DGKB: variants seen among roughly 807,000 people sequenced by gnomAD.
DGKB encodes diacylglycerol kinase beta.
DGKB carries 67 observed loss-of-function variants against 114.3 expected under a neutral mutation model. The observed-to-expected ratio is 0.59, with a 90% confidence interval of 0.48 to 0.72. The LOEUF is 0.72. Among genes scored for constraint, DGKB ranks in the 30% least tolerant of loss-of-function variants. The pLI is 0.00. For missense variants in DGKB, 907 were observed against 975.2 expected (o/e 0.93, Z 0.93); for synonymous variants, 398 against 323.1 (o/e 1.23, Z -2.49).
chr7:14,847,061 C>T (rs888490329), intron 1 of DGKB, among the ~76,000 whole-genome samples: 11 of 152,030 alleles, frequency 7.2e-5, no homozygotes, highest in African/African-American at 1.4e-4. Context: ...GAGGCCGAGG[C>T]GGGCGGATCA....
rs925182312 is a variant in DGKB, at chr7:14,343,440, T to G, written c.1926+1861A>C. Among the ~76,000 whole-genome samples the G allele has an allele frequency of 4.0e-5, 6 of 151,828 alleles. No individual in the cohort carries two copies. The South Asian group carries it at 1.0e-3, about 26-fold the overall frequency. On this transcript the variant is annotated intron_variant, in intron 22 of 25. Transcript: ENST00000402815. Reference sequence around the variant, plus strand: ...TCTGTGGATCAAAACCACTTAATTTTATCATTATTTAGCATATTACAAATC... The same window carrying G: ...TCTGTGGATCAAAACCACTTAATTTGATCATTATTTAGCATATTACAAATC...
chr7:14,772,187 A>C (rs528337555), intron 2 of DGKB, among the ~76,000 whole-genome samples: 27 of 152,270 alleles, frequency 1.8e-4, no homozygotes, highest in Admixed American at 4.6e-4. Flanking sequence ...ATGTTCTCAG[A>C]ACCTCCTGAG....
chr7:14,249,512 C>T (rs79647577), intron 23 of DGKB, among the ~76,000 whole-genome samples: 6,464 of 152,164 alleles, frequency 0.042, 421 homozygotes, highest in African/African-American at 0.15. Context: ...GATTCAATCT[C>T]CTTACTCATT....
chr7:14,645,344 G>A (rs1270039584), intron 13 of DGKB, among the ~76,000 whole-genome samples: 1 of 152,122 alleles, frequency 6.6e-6, no homozygotes, highest in East Asian at 1.9e-4. Context: ...GAGCAAAAGA[G>A]CTGTAATGTT....
In DGKB at chr7:14,327,219, T is replaced by C. The variant is rs375022799; in HGVS notation, c.2122+11296A>G. Reference sequence around the variant, plus strand: ...CCTGTTATAGTTCCTTTTTGATTGCTGACTTTTAAATGAACATTTGGATGA... The same window carrying C: ...CCTGTTATAGTTCCTTTTTGATTGCCGACTTTTAAATGAACATTTGGATGA... On this transcript the variant is annotated intron_variant, in intron 23 of 25. Coordinates refer to ENST00000402815, the MANE Select transcript of DGKB (RefSeq NM_001350709.2). Among the ~76,000 whole-genome samples the C allele has an allele frequency of 3.3e-5, 5 of 152,274 alleles. No homozygotes were observed. The East Asian group carries it at 7.7e-4, about 24-fold the overall frequency.
At chr7:14,868,218 C>A (rs1851955249) in intron 1 of DGKB, among the ~76,000 whole-genome samples, 1 of 152,104 alleles carries the variant, frequency 6.6e-6, no homozygotes. Flanking sequence ...AATACAGAGG[C>A]AGCAGCTATG....
chr7:14,547,196 A>G (rs1649639012), intron 20 of DGKB, among the ~76,000 whole-genome samples: 1 of 152,132 alleles, frequency 6.6e-6, no homozygotes, highest in Admixed American at 6.6e-5. Context: ...TTGGCTCAAT[A>G]TTGATTACGT....
chr7:14,578,447 C>T (rs1799478513), intron 19 of DGKB, among the ~76,000 whole-genome samples: 1 of 152,142 alleles, frequency 6.6e-6, no homozygotes, highest in Admixed American at 6.5e-5. Flanking sequence ...AGTTACACAC[C>T]TGTCAAGAAA....
At chr7:14,857,243 C>T (rs79937884) in intron 1 of DGKB, among the ~76,000 whole-genome samples, 947 of 45,140 alleles carry the variant, frequency 0.021, 5 homozygotes, top group South Asian at 0.037. Context: ...CCACCCAACC[C>T]CCTGCTGTGT....
At chr7:14,491,383 G>C (rs2128933238) in intron 20 of DGKB, among the ~76,000 whole-genome samples, 1 of 152,070 alleles carries the variant, frequency 6.6e-6, no homozygotes, top group South Asian at 2.1e-4. Context: ...GATCTTCCCA[G>C]GCACGTGGAA....
intron 13 of DGKB, among the ~76,000 whole-genome samples, chr7:14,660,677 T>C (rs1471130882): frequency 2.0e-5 from 3 of 151,956 alleles, no homozygotes; most frequent in African/African-American, 4.8e-5. Context: ...TACCAACGAC[T>C]TTCTTCACAG....
chr7:14,612,154 C>CTTTTTATTTTATTTTATTTTATTTT (rs1554545340), intron 16 of DGKB, among the ~76,000 whole-genome samples: 1 of 145,798 alleles, frequency 6.9e-6, no homozygotes, highest in Non-Finnish European at 1.5e-5. Context: ...ATCTTATACT[C>CTTTTTATTTTATTTTATTTTATTTT]ATTTTATTTT....
At chr7:14,577,425 G>T (rs1033795796) in intron 19 of DGKB, among the ~76,000 whole-genome samples, 1 of 152,072 alleles carries the variant, frequency 6.6e-6, no homozygotes, top group African/African-American at 2.4e-5. Flanking sequence ...AGACCATTCT[G>T]GCTAACACGG....
At chr7:14,635,201 C>T (rs193259856) in intron 13 of DGKB, among the ~76,000 whole-genome samples, 20 of 118,298 alleles carry the variant, frequency 1.7e-4, no homozygotes, top group Admixed American at 1.2e-3. Flanking sequence ...ACTTCACTAC[C>T]CTTCAACTGT....
At chr7:14,469,646 C>T (rs904675672) in intron 21 of DGKB, among the ~76,000 whole-genome samples, 3 of 151,940 alleles carry the variant, frequency 2.0e-5, no homozygotes, top group African/African-American at 7.2e-5. Flanking sequence ...TTGAAACCCC[C>T]TGCATGAGAA....
In DGKB at chr7:14,493,341, T is replaced by C. The variant is rs189838127; in HGVS notation, c.1771-15116A>G. Among the ~76,000 whole-genome samples the C allele has an allele frequency of 9.9e-5, 15 of 152,200 alleles. No homozygotes were observed. In the East Asian group the frequency reaches 2.9e-3, roughly 29 times the overall value. On this transcript the variant is annotated intron_variant, in intron 20 of 25. Coordinates refer to ENST00000402815, the MANE Select transcript of DGKB (RefSeq NM_001350709.2). ...AGTATATATATGGTTTTCCCTTACA[T>C]ATGTACATACCTATGATAAAGTTTA... is the stretch of plus-strand genomic sequence containing the variant.
chr7:14,805,971 C>G (rs1460949816), intron 2 of DGKB, among the ~76,000 whole-genome samples: 1 of 151,140 alleles, frequency 6.6e-6, no homozygotes, highest in African/African-American at 2.4e-5. Flanking sequence ...GATTCTTTTT[C>G]TAAAAATTTT....
intron 13 of DGKB, among the ~76,000 whole-genome samples, chr7:14,654,307 A>T (rs1249339888): frequency 1.3e-5 from 2 of 152,082 alleles, no homozygotes; most frequent in Non-Finnish European, 2.9e-5. Context: ...TAAAATAATA[A>T]AATACTTAGG....
At chr7:14,185,524 A>G (rs368147047) in intron 23 of DGKB, among the ~76,000 whole-genome samples, 7 of 152,160 alleles carry the variant, frequency 4.6e-5, no homozygotes, top group Non-Finnish European at 1.0e-4. Context: ...AAATTCTAAA[A>G]ATCATATAGA....
Sources: gnomAD v4.1 joint callset for allele counts (sites outside exome capture counted in the v4.1 genomes callset) on GRCh38, gnomAD v4.1.1 for gene constraint, MANE v1.5 for transcripts, NCBI Gene and HGNC (gene_info 2026-07-23, HGNC 2026-07-21) for gene names.